Variants in GADL1 observed in about 807,000 individuals in gnomAD.
GADL1 encodes the protein GAD like acidic amino acid decarboxylase 1, also known as acidic amino acid decarboxylase GADL1.
GADL1 carries 71 observed loss-of-function variants against 69.5 expected under a neutral mutation model. That is an observed-to-expected ratio of 1.02 (90% CI 0.84 to 1.25). The LOEUF (loss-of-function observed/expected upper bound fraction) is 1.25, where lower values mean the gene tolerates loss of function less well. GADL1 is among the 50% of genes most tolerant of loss of function. The pLI is 0.00. For synonymous variants in GADL1, 254 were observed against 214.4 expected (o/e 1.18, Z -1.62); for missense variants, 737 against 631.8 (o/e 1.17, Z -1.79).
At chr3:30,796,129 TA>T (rs1431270448) in intron 12 of GADL1, among the ~76,000 whole-genome samples, 1 of 152,158 alleles carries the variant, frequency 6.6e-6, no homozygotes, top group Non-Finnish European at 1.5e-5. Context: ...AATACAATCA[TA>T]AAATATCTAT....
chr3:30,770,844 A>AG (rs1696402427), intron 14 of GADL1, among the ~76,000 whole-genome samples: 1 of 152,246 alleles, frequency 6.6e-6, no homozygotes, highest in Non-Finnish European at 1.5e-5. Flanking sequence ...GCTCAAGGAA[A>AG]GAAAAAAAAA....
At chr3:30,872,769 C>T (rs1698510760) in intron 1 of GADL1, among the ~76,000 whole-genome samples, 1 of 151,796 alleles carries the variant, frequency 6.6e-6, no homozygotes, top group Non-Finnish European at 1.5e-5. Flanking sequence ...CAATAAACTC[C>T]CCCTTTTGGT....
At chr3:30,802,920 TG>T (rs1396031688) in intron 11 of GADL1, among the ~76,000 whole-genome samples, 1 of 152,108 alleles carries the variant, frequency 6.6e-6, no homozygotes, top group Non-Finnish European at 1.5e-5. Context: ...GGCAACATAG[TG>T]AGACCCCATC....
chr3:30,728,359 G>A lies in GADL1; in HGVS notation c.1449C>T (p.Tyr483=). Residue 483 remains tyrosine (Y), a synonymous_variant, in exon 15 of 15, where the codon TAC becomes TAT. Coordinates refer to ENST00000282538, the MANE Select transcript of GADL1 (RefSeq NM_207359.3). ...AGTTGACCTTTCCCCGGTGCGGCTG[G>A]TAGCCCAGCATCAAGCTTCCCTTCT... ...MMKKGSLMLG[Y]QPHRGKVNFF... 6.2e-7 allele frequency: 1 copy of A among 1,613,876 alleles called. No individual in the cohort carries two copies. Among genetic ancestry groups the A allele is most frequent in the Non-Finnish European group, 8.5e-7 (1 of 1,179,842 alleles).
chr3:30,797,081 T>C (rs1203030805), intron 12 of GADL1, among the ~76,000 whole-genome samples: 1 of 152,196 alleles, frequency 6.6e-6, no homozygotes, highest in Non-Finnish European at 1.5e-5. Context: ...GCTACAGATA[T>C]AATACAATCA....
intron 4 of GADL1, among the ~76,000 whole-genome samples, chr3:30,854,256 C>T (rs889084246): frequency 6.6e-6 from 1 of 152,180 alleles, no homozygotes; most frequent in Non-Finnish European, 1.5e-5. Context: ...CATATGAATA[C>T]TTAGAACACT....
Position 30,857,086 on chromosome 3 carries a change from C to G in GADL1, c.266G>C (p.Arg89Thr), listed in dbSNP as rs368855107. 13 of 1,549,904 alleles carry G rather than the reference C, an allele frequency of 8.4e-6. No individual in the cohort carries two copies. In the African/African-American group the frequency reaches 1.2e-4, roughly 15 times the overall value. Reference protein sequence around the residue: ...QLKQLLDLEMRDSGEPPHKLL... With the variant: ...QLKQLLDLEMTDSGEPPHKLL... The stretch of plus-strand genomic sequence containing the variant: ...TTTATGGGGTGGCTCGCCTGAGTCT[C>G]TCATCTCCAAATCAAGAAGCTGTTT... Residue 89 changes from arginine (R) to threonine (T), a missense_variant, in exon 3 of 15, where the codon AGA becomes ACA. Arg to Thr is a moderately conservative substitution (Grantham distance 71). Coordinates refer to ENST00000282538, the MANE Select transcript of GADL1 (RefSeq NM_207359.3).
At chr3:30,733,656 C>T (rs988010160) in intron 14 of GADL1, among the ~76,000 whole-genome samples, 6 of 150,960 alleles carry the variant, frequency 4.0e-5, no homozygotes, top group Admixed American at 6.6e-5. Flanking sequence ...TCCCTCCCTC[C>T]TTCCCTCTCT....
intron 13 of GADL1, among the ~76,000 whole-genome samples, chr3:30,778,507 G>C (rs1203546180): frequency 6.6e-6 from 1 of 152,006 alleles, no homozygotes; most frequent in African/African-American, 2.4e-5. Flanking sequence ...CAAAGATCAG[G>C]AAAAAACAGT....
At chr3:30,765,905 C>A (rs910507176) in intron 14 of GADL1, among the ~76,000 whole-genome samples, 1 of 152,014 alleles carries the variant, frequency 6.6e-6, no homozygotes, top group African/African-American at 2.4e-5. Context: ...TCTTTCCCAA[C>A]TCCCCTCCCA....
intron 12 of GADL1, among the ~76,000 whole-genome samples, chr3:30,790,220 A>C (rs545600050): frequency 1.3e-5 from 2 of 152,296 alleles, no homozygotes; most frequent in East Asian, 3.9e-4. Flanking sequence ...GAAAGCCTGA[A>C]GAGGAGAGAG....
chr3:30,813,596 T>C (rs1173311079), intron 11 of GADL1, among the ~76,000 whole-genome samples: 1 of 152,246 alleles, frequency 6.6e-6, no homozygotes, highest in Non-Finnish European at 1.5e-5. Context: ...GTAAGGCCTG[T>C]GGCCTACATT....
intron 1 of GADL1, among the ~76,000 whole-genome samples, chr3:30,865,284 A>AAT (rs5847673): frequency 3.8e-4 from 46 of 121,520 alleles, no homozygotes; most frequent in African/African-American, 1.7e-3. Flanking sequence ...CACGTAAATT[A>AAT]ATATATATAT....
At chr3:30,820,770 C>T (rs560614683) in intron 11 of GADL1, among the ~76,000 whole-genome samples, 65 of 151,858 alleles carry the variant, frequency 4.3e-4, no homozygotes, top group African/African-American at 1.5e-3. Flanking sequence ...GTGGCGATTC[C>T]TCAGGGATCT....
chr3:30,833,995 G>T, intron 10 of GADL1, 61 bp from the exon 11 acceptor site: 1 of 1,144,182 alleles, frequency 8.7e-7, no homozygotes, highest in African/African-American at 1.5e-5. Context: ...ACAGGCAATG[G>T]AATACTATCA....
chr3:30,746,553 G>A (rs1695705890), intron 14 of GADL1, among the ~76,000 whole-genome samples: 1 of 152,170 alleles, frequency 6.6e-6, no homozygotes, highest in African/African-American at 2.4e-5. Flanking sequence ...GTAATAAGGT[G>A]ACAGGTGCAC....
At chr3:30,845,572 A>C (rs755846648) in intron 6 of GADL1, among the ~76,000 whole-genome samples, 14 of 152,196 alleles carry the variant, frequency 9.2e-5, no homozygotes, top group Admixed American at 3.3e-4. Flanking sequence ...ATAAATGCAG[A>C]AGTAACATCA....
intron 11 of GADL1, among the ~76,000 whole-genome samples, chr3:30,830,822 A>C (rs6783336): frequency 0.059 from 8,924 of 151,966 alleles, 618 homozygotes; most frequent in African/African-American, 0.15. Context: ...TACTATGAGC[A>C]GCACTAAAAG....
At chr3:30,854,954 C>G (rs1306401021) in intron 3 of GADL1, among the ~76,000 whole-genome samples, 165 bp from the exon 4 acceptor site, 2 of 152,054 alleles carry the variant, frequency 1.3e-5, no homozygotes, top group East Asian at 3.9e-4. Flanking sequence ...ACAAAGCTAT[C>G]TAAGGAGATG....
Sources: allele counts gnomAD v4.1 joint callset (sites outside exome capture counted in the v4.1 genomes callset), GRCh38; gene constraint gnomAD v4.1.1; transcripts MANE v1.5; gene names NCBI Gene and HGNC (gene_info 2026-07-23, HGNC 2026-07-21).